Variants in FSTL4 observed in about 807,000 individuals in gnomAD.
FSTL4 encodes the protein follistatin like 4.
A neutral mutation model predicts 78.2 loss-of-function variants in FSTL4; 28 were observed. That is an observed-to-expected ratio of 0.36 (90% CI 0.27 to 0.49). The LOEUF is 0.49. Ranked by LOEUF, FSTL4 falls within the 20% of genes least tolerant of loss-of-function variation. The pLI is 0.98. For missense variants in FSTL4, 922 were observed against 1,084.9 expected (o/e 0.85, Z 2.11); for synonymous variants, 422 against 440.5 (o/e 0.96, Z 0.53).
chr5:133,314,875 C>T (rs7708975), intron 5 of FSTL4, among the ~76,000 whole-genome samples: 14,142 of 152,210 alleles, frequency 0.093, 904 homozygotes, highest in African/African-American at 0.18. Flanking sequence ...TTGAAACACA[C>T]CATGTGGCCA....
the FSTL4 span, among the ~76,000 whole-genome samples, chr5:133,708,985 T>C: frequency 6.6e-6 from 1 of 152,238 alleles, no homozygotes; most frequent in African/African-American, 2.4e-5. Flanking sequence ...ATAGTAGGCA[T>C]TCAATAAATA....
chr5:133,316,399 G>C (rs1753902908), intron 5 of FSTL4, 60 bp downstream of exon 5: 2 of 1,337,588 alleles, frequency 1.5e-6, no homozygotes, highest in Admixed American at 3.5e-5. Flanking sequence ...AGGGGGCCGG[G>C]GTGGGAAATG....
At chr5:133,449,440 A>C (rs898975140) in intron 3 of FSTL4, among the ~76,000 whole-genome samples, 14 of 150,288 alleles carry the variant, frequency 9.3e-5, no homozygotes, top group African/African-American at 3.5e-4. Flanking sequence ...GCCAAGGTAA[A>C]CCATGGCCAA....
intron 4 of FSTL4, among the ~76,000 whole-genome samples, chr5:133,344,630 C>T (rs1005916875): frequency 6.6e-6 from 1 of 152,170 alleles, no homozygotes; most frequent in African/African-American, 2.4e-5. Context: ...AGCAATTTGC[C>T]TTCTCCAGAA....
chr5:133,389,364 G>C lies in FSTL4; in HGVS notation c.409+11374C>G, dbSNP rs530962308. On this transcript the variant is annotated intron_variant, in intron 4 of 15. Coordinates refer to ENST00000265342, the MANE Select transcript of FSTL4 (RefSeq NM_015082.2). ...ACTGCCACGACATATTGCATCTGGAGAGGGGTCTTAACTTCCCTGTAACCA... is the reference window on the plus strand; with the variant it reads ...ACTGCCACGACATATTGCATCTGGACAGGGGTCTTAACTTCCCTGTAACCA... Among the ~76,000 whole-genome samples, 112 of 152,308 alleles carry C rather than the reference G, an allele frequency of 7.4e-4. 1 individual carries two copies. Among genetic ancestry groups the C allele is most frequent in the African/African-American group, 2.6e-3 (107 of 41,570 alleles).
the FSTL4 span, among the ~76,000 whole-genome samples, chr5:133,759,865 TCC>T: frequency 7.6e-4 from 116 of 152,336 alleles, no homozygotes; most frequent in African/African-American, 2.7e-3. Flanking sequence ...TTTTTTTATT[TCC>T]CACTGTGCTT....
Position 133,199,587 on chromosome 5 carries a change from G to T in FSTL4, c.2037C>A (p.Asp679Glu), listed in dbSNP as rs1750255241. ...ARQLLVDSVT[D>E]SVLGPNGDVT... ...CATCACCATTGGGGCCAAGCACAGA[G>T]TCTGTGACACTGTCAACGAGCAGCT... Residue 679 changes from aspartate to glutamate, a missense_variant, in exon 16 of 16, where the codon GAC (aspartate) becomes GAA (glutamate). Physicochemically the swap from Asp to Glu is conservative, Grantham distance 45 (BLOSUM62 2). Transcript: ENST00000265342. This position sits in a 1 kb window ranked among gnomAD's most constrained non-coding sequence, Gnocchi z 4.4. 1 of 1,614,072 alleles carries T rather than the reference G, an allele frequency of 6.2e-7. No individual in the cohort carries two copies. The highest frequency in any genetic ancestry group is 1.3e-5 in the African/African-American group (1 of 74,932).
intron 14 of FSTL4, among the ~76,000 whole-genome samples, chr5:133,206,872 A>T (rs2076807): frequency 6.6e-6 from 1 of 151,822 alleles, no homozygotes; most frequent in Non-Finnish European, 1.5e-5. Context: ...GGCTTTTAAG[A>T]CCCAAGAATT....
chr5:133,288,106 G>C (rs941221626), intron 6 of FSTL4, among the ~76,000 whole-genome samples: 1 of 152,238 alleles, frequency 6.6e-6, no homozygotes, highest in African/African-American at 2.4e-5. Flanking sequence ...ATTTAACGTA[G>C]TGCCTGGCAC....
Position 133,591,890 on chromosome 5 carries a change from G to A in FSTL4, c.126+11968C>T, listed in dbSNP as rs188371940. On this transcript the variant is annotated intron_variant, in intron 2 of 15. Coordinates refer to ENST00000265342, the MANE Select transcript of FSTL4 (RefSeq NM_015082.2). ...CCATTGGCTTTGGGAGAAGGTCTGG[G>A]GCCTCATGACAACCCTTCTTTGTAC... Among the ~76,000 whole-genome samples, 17 of 152,200 alleles carry A rather than the reference G, an allele frequency of 1.1e-4. No individual in the cohort carries two copies. In the East Asian group the frequency reaches 2.7e-3, roughly 24 times the overall value.
chr5:133,448,778 A>T (rs1580715281), intron 3 of FSTL4, among the ~76,000 whole-genome samples: 1 of 150,440 alleles, frequency 6.6e-6, no homozygotes, highest in South Asian at 2.1e-4. Context: ...CCTTTTGCGC[A>T]AACTCCCCAG....
At chr5:133,835,308 G>A in the FSTL4 span, among the ~76,000 whole-genome samples, 1 of 152,242 alleles carries the variant, frequency 6.6e-6, no homozygotes, top group African/African-American at 2.4e-5. Flanking sequence ...TCCACTTTTG[G>A]GCATCTCACA....
chr5:133,217,144 TG>T, intron 13 of FSTL4, 84 bp downstream of exon 13: 1 of 1,101,816 alleles, frequency 9.1e-7, no homozygotes. Context: ...GCACAGGAGC[TG>T]GGGAGTATGC....
chr5:133,448,466 G>T (rs1190159144), intron 3 of FSTL4, among the ~76,000 whole-genome samples: 1 of 152,184 alleles, frequency 6.6e-6, no homozygotes, highest in African/African-American at 2.4e-5. Context: ...GCTTTTCAAT[G>T]CGTTCCCTCA....
chr5:133,403,357 G>T (rs1011168304), intron 3 of FSTL4, among the ~76,000 whole-genome samples: 2 of 152,126 alleles, frequency 1.3e-5, no homozygotes, highest in African/African-American at 4.8e-5. Context: ...ACTGTTGTAG[G>T]CATTTTCTCT....
rs369367290 is a variant in FSTL4, at chr5:133,217,934, G to A, written c.1459-556C>T. 4.2e-4 allele frequency among the ~76,000 whole-genome samples: 64 copies of A among 152,210 alleles called. 1 individual carries two copies. Among genetic ancestry groups the A allele is most frequent in the African/African-American group, 1.5e-3 (64 of 41,512 alleles). ...ATATGCTAGGGTGTCCAGGGTTCAC[G>A]CCTAAGTTTCTTCTCTAAAATCCAC... is the stretch of plus-strand genomic sequence containing the variant. On this transcript the variant is annotated intron_variant, in intron 12 of 15. Transcript: ENST00000265342.
At chr5:133,656,427 G>A in the FSTL4 span, among the ~76,000 whole-genome samples, 10 of 152,344 alleles carry the variant, frequency 6.6e-5, no homozygotes, top group East Asian at 1.9e-3. Context: ...TGCACAGGCA[G>A]TGGCAGTTCT....
At chr5:133,471,507 G>A (rs919739959) in intron 3 of FSTL4, among the ~76,000 whole-genome samples, 2 of 152,180 alleles carry the variant, frequency 1.3e-5, no homozygotes, top group East Asian at 1.9e-4. Context: ...AGACCCCAGA[G>A]AGGCCTCTGC....
chr5:133,651,518 C>T, the FSTL4 span, among the ~76,000 whole-genome samples: 1 of 151,952 alleles, frequency 6.6e-6, no homozygotes, highest in African/African-American at 2.4e-5. Context: ...TTCTCCTTAG[C>T]CTGTTGATGT....
Sources: gnomAD v4.1 joint callset for allele counts (sites outside exome capture counted in the v4.1 genomes callset) on GRCh38, gnomAD v4.1.1 for gene constraint, Gnocchi (gnomAD v3.1) non-coding constraint, MANE v1.5 for transcripts, NCBI Gene and HGNC (gene_info 2026-07-23, HGNC 2026-07-21) for gene names.